Variants in BTRC observed in about 807,000 individuals in gnomAD.
BTRC encodes beta-transducin repeat containing E3 ubiquitin protein ligase.
BTRC carries 42 observed loss-of-function variants against 85.5 expected under a neutral mutation model. The observed-to-expected ratio is 0.49, with a 90% CI of 0.38 to 0.64. The LOEUF (loss-of-function observed/expected upper bound fraction) is 0.64, where lower values mean the gene tolerates loss of function less well. Among genes scored for constraint, BTRC ranks in the 30% least tolerant of loss-of-function variants. The pLI, the probability that BTRC is intolerant of heterozygous loss-of-function variation, is 0.00. For missense variants in BTRC, 594 were observed against 743.5 expected (o/e 0.80, Z 2.34); for synonymous variants, 255 against 263.3 (o/e 0.97, Z 0.30).
Position 101,538,385 on chromosome 10 carries a change from T to G in BTRC, c.1656+14T>G. The stretch of plus-strand genomic sequence containing the variant: ...CGGACCCTTGTGGTAAGAGCCTTGC[T>G]GTTTAGAGAGCATTGGAGAGCAGGT... On this transcript the variant is annotated intron_variant, in intron 13 of 14. Coordinates refer to ENST00000370187, the MANE Select transcript of BTRC (RefSeq NM_033637.4). The G allele has an allele frequency of 6.2e-7, 1 of 1,603,684 alleles. No homozygotes were observed. The highest frequency in any genetic ancestry group is 8.5e-7 in the Non-Finnish European group (1 of 1,170,484).
intron 1 of BTRC, among the ~76,000 whole-genome samples, chr10:101,361,170 G>A (rs543569851): frequency 4.2e-4 from 64 of 151,922 alleles, no homozygotes; most frequent in African/African-American, 1.4e-3. Flanking sequence ...GCAGTGGTGC[G>A]ATCTCAGCTC....
chr10:101,506,292 T>C (rs112106179), intron 4 of BTRC, among the ~76,000 whole-genome samples: 28 of 152,318 alleles, frequency 1.8e-4, no homozygotes, highest in African/African-American at 6.3e-4. Flanking sequence ...CATCAGCTCA[T>C]TGGCACTATT....
intron 3 of BTRC, among the ~76,000 whole-genome samples, chr10:101,467,436 G>A (rs534449341): frequency 2.0e-5 from 3 of 151,388 alleles, no homozygotes; most frequent in East Asian, 1.9e-4. Flanking sequence ...ATAATTGCTC[G>A]AGAAAACCCA....
At chr10:101,544,705 C>T (rs1297969660) in intron 13 of BTRC, among the ~76,000 whole-genome samples, 1 of 152,144 alleles carries the variant, frequency 6.6e-6, no homozygotes, top group Non-Finnish European at 1.5e-5. Context: ...GCCACTGCGC[C>T]TGGCTCTGAA....
intron 6 of BTRC, among the ~76,000 whole-genome samples, chr10:101,530,740 TTCTTTAGAGCCCAGAAG>T (rs1310805951): frequency 6.6e-6 from 1 of 152,216 alleles, no homozygotes; most frequent in Non-Finnish European, 1.5e-5. Context: ...GTTGGTCAGA[TTCTTTAGAGCCCAGAAG>T]GTTACTCTTT....
intron 1 of BTRC, among the ~76,000 whole-genome samples, chr10:101,423,106 G>C (rs1400929095): frequency 6.6e-6 from 1 of 151,922 alleles, no homozygotes; most frequent in African/African-American, 2.4e-5. Flanking sequence ...TAGAGATGGG[G>C]TCTAGTTATG....
At chr10:101,390,007 A>G (rs1334068082) in intron 1 of BTRC, among the ~76,000 whole-genome samples, 2 of 152,070 alleles carry the variant, frequency 1.3e-5, no homozygotes, top group African/African-American at 2.4e-5. Flanking sequence ...TTTATCCTTT[A>G]TATCTCAGTT....
intron 1 of BTRC, among the ~76,000 whole-genome samples, chr10:101,407,570 T>C (rs976700954): frequency 2.6e-5 from 4 of 152,060 alleles, no homozygotes; most frequent in African/African-American, 9.7e-5. Flanking sequence ...TCTGTATTTT[T>C]AGTAGAGATG....
At chr10:101,522,388 A>C (rs556766772) in intron 5 of BTRC, among the ~76,000 whole-genome samples, 3 of 136,186 alleles carry the variant, frequency 2.2e-5, no homozygotes, top group East Asian at 2.1e-4. Flanking sequence ...AAAAAAAAAA[A>C]AACTCTAGAA....
chr10:101,484,517 G>A (rs1406219653), intron 4 of BTRC, among the ~76,000 whole-genome samples: 2 of 152,174 alleles, frequency 1.3e-5, no homozygotes, highest in Non-Finnish European at 1.5e-5. Flanking sequence ...CAATGCAGAC[G>A]TTTGCACTTC....
At chr10:101,387,178 A>G (rs1943100812) in intron 1 of BTRC, among the ~76,000 whole-genome samples, 1 of 151,864 alleles carries the variant, frequency 6.6e-6, no homozygotes, top group Non-Finnish European at 1.5e-5. Flanking sequence ...TTTTTTGGGC[A>G]AATCTTTTCT....
At chr10:101,414,782 A>G in intron 1 of BTRC, 1 of 177,390 alleles carries the variant, frequency 5.6e-6, no homozygotes. Flanking sequence ...TTTAAATAAT[A>G]TATATAATAT....
At chr10:101,509,553 CTTT>C (rs747841828) in intron 4 of BTRC, among the ~76,000 whole-genome samples, 2 of 129,350 alleles carry the variant, frequency 1.5e-5, no homozygotes, top group Admixed American at 7.8e-5. Flanking sequence ...CGCGCCCAGC[CTTT>C]TTTTTTTTTT....
intron 1 of BTRC, among the ~76,000 whole-genome samples, chr10:101,406,808 A>G (rs1290107907): frequency 6.6e-6 from 1 of 152,152 alleles, no homozygotes; most frequent in African/African-American, 2.4e-5. Flanking sequence ...TGCTGGGATT[A>G]CAGGCGTGAG....
chr10:101,521,496 G>A, intron 4 of BTRC, 143 bp from the exon 5 acceptor site: 1 of 627,322 alleles, frequency 1.6e-6, no homozygotes, highest in Non-Finnish European at 2.7e-6. Flanking sequence ...GTATTTCTGT[G>A]GTTTTCCACG....
intron 2 of BTRC, 21 bp downstream of exon 2, chr10:101,430,473 G>A (rs1226635002): frequency 1.3e-6 from 2 of 1,592,844 alleles, no homozygotes; most frequent in Non-Finnish European, 8.6e-7. Flanking sequence ...TGTCTCTGTG[G>A]GTTATTTGCG....
rs1407245354 is a variant in BTRC at position 101,366,785 on chromosome 10, TATA to T, written c.48+12558_48+12560del. 1.5e-4 allele frequency among the ~76,000 whole-genome samples: 15 copies of T among 97,830 alleles called. 2 individuals carry two copies. The highest frequency in any genetic ancestry group is 5.1e-4 in the African/African-American group (14 of 27,712). The allele number at this position is 97,830 out of a possible 152,430, so 64.2% of individuals were successfully genotyped here. A position where few individuals can be genotyped will look rare whatever the true frequency, so the allele number is the denominator to read the frequency against. ...ATCTAGTTATATATATATATATATATATATTTTTACATTTATATATATATTTAT... is the reference window on the plus strand; with the variant it reads ...ATCTAGTTATATATATATATATATATTTTTTACATTTATATATATATTTAT... On this transcript the variant is annotated intron_variant, in intron 1 of 14. Coordinates refer to ENST00000370187, the MANE Select transcript of BTRC (RefSeq NM_033637.4).
At chr10:101,508,154 GA>G (rs1361502520) in intron 4 of BTRC, among the ~76,000 whole-genome samples, 4 of 152,112 alleles carry the variant, frequency 2.6e-5, no homozygotes, top group African/African-American at 7.2e-5. Context: ...TGAATTTGAT[GA>G]ATTTTATATA....
chr10:101,359,824 TC>T (rs1362105880), intron 1 of BTRC, among the ~76,000 whole-genome samples: 1 of 152,136 alleles, frequency 6.6e-6, no homozygotes, highest in African/African-American at 2.4e-5. Context: ...GGTCTCGAAC[TC>T]CCAACCTCAG....
Sources: gnomAD v4.1 joint callset for allele counts (sites outside exome capture counted in the v4.1 genomes callset) on GRCh38, gnomAD v4.1.1 for gene constraint, MANE v1.5 for transcripts, NCBI Gene and HGNC (gene_info 2026-07-23, HGNC 2026-07-21) for gene names.